The following RSRC2 variants were observed in gnomAD, a reference collection of about 807,000 sequenced individuals.
RSRC2 encodes the protein arginine/serine-rich coiled-coil protein 2.
In RSRC2, 5 loss-of-function variants were observed where a neutral mutation model predicts 61.3. That is an observed-to-expected ratio of 0.08 (90% confidence interval 0.04 to 0.17). The LOEUF is 0.17. RSRC2 is among the 10% of genes least tolerant of loss of function. The pLI, the probability that RSRC2 is intolerant of heterozygous loss-of-function variation, is 1.00. For missense variants in RSRC2, 381 were observed against 518.8 expected, an observed-to-expected ratio of 0.73 and a Z score of 2.58; for synonymous variants, 202 against 166.5, an observed-to-expected ratio of 1.21 and a Z score of -1.64.
chr12:122,508,210 G>C lies in RSRC2; in HGVS notation c.1035+8C>G, dbSNP rs1958256930. The C allele has an allele frequency of 6.2e-7, 1 of 1,606,476 alleles. No homozygotes were observed. Among genetic ancestry groups the C allele is most frequent in the Non-Finnish European group, 8.5e-7 (1 of 1,173,038 alleles). On this transcript the variant is annotated splice_region_variant and intron_variant, in intron 8 of 9. Coordinates refer to ENST00000331738, the MANE Select transcript of RSRC2 (RefSeq NM_023012.6). ...TAAACGACAGAAAAGCAGAATAAGAGAACTTACCCCTTCTTTCTTGCCCTG... is the reference window on the plus strand; with the variant it reads ...TAAACGACAGAAAAGCAGAATAAGACAACTTACCCCTTCTTTCTTGCCCTG...
At chr12:122,525,179 G>C (rs1959908290) in intron 1 of RSRC2, among the ~76,000 whole-genome samples, 1 of 152,088 alleles carries the variant, frequency 6.6e-6, no homozygotes, top group Non-Finnish European at 1.5e-5. Flanking sequence ...TTCGAGACCA[G>C]CCTGGCCGAC....
chr12:122,521,019 A>C, intron 3 of RSRC2: 1 of 233,230 alleles, frequency 4.3e-6, no homozygotes, highest in Non-Finnish European at 8.5e-6. Flanking sequence ...TATCTAGGGT[A>C]TTGCTATGTA....
rs1357184659 is a variant in RSRC2 at position 122,508,538 on chromosome 12, T to C, written c.806-91A>G. ...TTAACGAACGATTTATAAAAAGCTA[T>C]GAATGTGCAAAAAGGCAGGATTTTC... On this transcript the variant is annotated intron_variant, in intron 7 of 9. Transcript: ENST00000331738. The C allele has an allele frequency of 3.8e-6, 4 of 1,049,188 alleles. No individual in the cohort carries two copies. In the Admixed American group the frequency reaches 7.7e-5, roughly 20 times the overall value. The allele number at this position is 1,049,188 out of a possible 1,614,324, so 65.0% of individuals were successfully genotyped here. A position where few individuals can be genotyped will look rare whatever the true frequency, so the allele number is the denominator to read the frequency against.
At chr12:122,524,070 G>A (rs1386312939) in intron 1 of RSRC2, among the ~76,000 whole-genome samples, 3 of 152,104 alleles carry the variant, frequency 2.0e-5, no homozygotes, top group African/African-American at 7.2e-5. Context: ...AAATTTTTAT[G>A]CTGAAAGGTT....
rs777755888 is a variant in RSRC2 at position 122,504,673 on chromosome 12, T to A, written c.*854A>T. 4.6e-5 allele frequency: 7 copies of A among 152,714 alleles called. No homozygotes were observed. Among genetic ancestry groups the A allele is most frequent in the Middle Eastern group, 3.4e-3 (1 of 294 alleles). 9.5% of individuals were successfully genotyped at this position (152,714 alleles called of 1,614,324 possible). A position where few individuals can be genotyped will look rare whatever the true frequency, so the allele number is the denominator to read the frequency against. ...TTTCTAATATTTTAATATTTTATAG[T>A]CTATGCTGGAGAAGACTTCAAAGGG... On this transcript the variant is annotated 3_prime_UTR_variant, in exon 10 of 10. Transcript: ENST00000331738.
chr12:122,521,804 G>GATATGTT (rs1593418680), intron 2 of RSRC2, among the ~76,000 whole-genome samples: 1 of 152,276 alleles, frequency 6.6e-6, no homozygotes, highest in Non-Finnish European at 1.5e-5. Context: ...AATTATATTT[G>GATATGTT]ATATGTTCCA....
chr12:122,513,451 T>C (rs1342470364), intron 6 of RSRC2, among the ~76,000 whole-genome samples: 1 of 152,022 alleles, frequency 6.6e-6, no homozygotes, highest in East Asian at 1.9e-4. Flanking sequence ...TTTAAAACTT[T>C]ATCTGAAAGA....
chr12:122,517,118 A>G (rs1293448922), intron 5 of RSRC2, 109 bp downstream of exon 5: 4 of 1,488,942 alleles, frequency 2.7e-6, no homozygotes, highest in African/African-American at 2.8e-5. Context: ...ATTTTACCAT[A>G]ATCTATAAAT....
Position 122,513,245 on chromosome 12 carries a change from A to AAAT in RSRC2, c.725+1859_725+1860insATT, listed in dbSNP as rs1555213511. On this transcript the variant is annotated intron_variant, in intron 6 of 9. Transcript: ENST00000331738. ...TAAATAAATAAATAAATAAATAAAT[A>AAAT]AAATAAAATAAAAATAAAAAATAAA... Among the ~76,000 whole-genome samples the AAAT allele has an allele frequency of 4.4e-3, 199 of 45,124 alleles. 1 individual carries two copies. The highest frequency in any genetic ancestry group is 7.3e-3 in the African/African-American group (163 of 22,202). 29.6% of individuals were successfully genotyped at this position (45,124 alleles called of 152,430 possible).
At chr12:122,510,200 G>C (rs759325312) in intron 7 of RSRC2, among the ~76,000 whole-genome samples, 24 of 152,062 alleles carry the variant, frequency 1.6e-4, no homozygotes, top group Non-Finnish European at 3.1e-4. Context: ...TTTCAGATCA[G>C]TTCACTTTCT....
rs1323625989 is a variant in RSRC2, at chr12:122,503,700, A to G, written c.*1827T>C. ...AGTGTCATTTCCTTAGAAGGCTTAG[A>G]TTTGTCACTGAAACACGGTGAAAAG... On this transcript the variant is annotated 3_prime_UTR_variant, in exon 10 of 10. Transcript: ENST00000331738. 6.6e-6 allele frequency: 1 copy of G among 152,200 alleles called. No individual in the cohort carries two copies. Among genetic ancestry groups the G allele is most frequent in the Non-Finnish European group, 1.5e-5 (1 of 68,038 alleles). 9.4% of individuals were successfully genotyped at this position (152,200 alleles called of 1,614,324 possible).
intron 7 of RSRC2, among the ~76,000 whole-genome samples, chr12:122,510,254 G>C (rs1022917046): frequency 1.3e-5 from 2 of 152,158 alleles, no homozygotes; most frequent in African/African-American, 4.8e-5. Flanking sequence ...ATCTGGGGCC[G>C]GGCGTGGTGG....
chr12:122,507,170 G>A (rs1270693200), intron 8 of RSRC2: 5 of 483,646 alleles, frequency 1.0e-5, no homozygotes, highest in South Asian at 2.0e-5. Context: ...CTGAGGTCAG[G>A]GGATCGAGAC....
At position 122,518,845 on chromosome 12, in the gene RSRC2, C is replaced by T. The variant is rs376875260; in HGVS notation, c.392G>A (p.Arg131His). ...RGRSHSRSRS[R>H]ERRHRSRSRE... ...ATAATACAACATGACTTACCTTTCA[C>T]GAGACCTAGATCTTGAGTGACTTCT... The change falls in exon 4 of 10, where the codon CGT becomes CAT. Residue 131 changes from arginine (R) to histidine (H), a missense_variant. By Grantham distance (29) the Arg-to-His change is conservative. Transcript: ENST00000331738. 4 of 1,613,146 alleles carry T rather than the reference C, an allele frequency of 2.5e-6. No individual in the cohort carries two copies. Among genetic ancestry groups the T allele is most frequent in the African/African-American group, 1.3e-5 (1 of 74,902 alleles).
chr12:122,521,086 C>G, intron 3 of RSRC2: 1 of 304,850 alleles, frequency 3.3e-6, no homozygotes, highest in Non-Finnish European at 6.1e-6. Context: ...AGACTCGGGA[C>G]CTCAGATTAA....
chr12:122,526,661 A>C (rs1593448979), intron 1 of RSRC2, among the ~76,000 whole-genome samples, 187 bp downstream of exon 1: 1 of 149,956 alleles, frequency 6.7e-6, no homozygotes. Context: ...GCGGCTCCCC[A>C]CCCCCACCAA....
In RSRC2 at chr12:122,515,350, A is replaced by G. The variant is rs1019362122; in HGVS notation, c.603-123T>C. The G allele has an allele frequency of 3.2e-6, 3 of 932,994 alleles. No homozygotes were observed. In the Admixed American group the frequency reaches 7.8e-5, roughly 24 times the overall value. 57.8% of individuals were successfully genotyped at this position (932,994 alleles called of 1,614,324 possible). A position where few individuals can be genotyped will look rare whatever the true frequency, so the allele number is the denominator to read the frequency against. On this transcript the variant is annotated intron_variant, in intron 5 of 9. Transcript: ENST00000331738. ...AAAAACATTTAGTTTGAGATGCAAA[A>G]GATTTAAAACATCAGTGTTACAGCT...
intron 5 of RSRC2, 101 bp downstream of exon 5, chr12:122,517,126 A>C (rs1958997172): frequency 6.5e-7 from 1 of 1,532,592 alleles, no homozygotes; most frequent in South Asian, 1.2e-5. Context: ...ATAATCTATA[A>C]ATAGAATTGT....
intron 3 of RSRC2, 100 bp from the exon 4 acceptor site, chr12:122,519,129 C>A: frequency 1.2e-6 from 1 of 860,254 alleles, no homozygotes; most frequent in Middle Eastern, 3.6e-4. Context: ...ACATTAGTAA[C>A]CTTAGGAGTG....
Sources: allele counts gnomAD v4.1 joint callset (sites outside exome capture counted in the v4.1 genomes callset), GRCh38; gene constraint gnomAD v4.1.1; transcripts MANE v1.5; gene names NCBI Gene and HGNC (gene_info 2026-07-23, HGNC 2026-07-21).